Variants in RFTN2 observed in about 807,000 individuals in gnomAD.
RFTN2 encodes the protein raftlin-2.
In RFTN2, 34 loss-of-function variants were observed where a neutral mutation model predicts 52.7. The observed-to-expected ratio is 0.64, with a 90% confidence interval of 0.49 to 0.86. The LOEUF is 0.86. Ranked by LOEUF, RFTN2 falls within the 40% of genes least tolerant of loss-of-function variation. RFTN2 has a pLI of 0.00. For synonymous variants in RFTN2, 203 were observed against 217.7 expected (o/e 0.93, Z 0.59); for missense variants, 536 against 600.1 (o/e 0.89, Z 1.12).
At chr2:197,581,232 C>G (rs1313448305) in intron 8 of RFTN2, among the ~76,000 whole-genome samples, 1 of 152,220 alleles carries the variant, frequency 6.6e-6, no homozygotes, top group African/African-American at 2.4e-5. Context: ...CCGGACAAGT[C>G]TTATATGTTA....
At position 197,596,035 on chromosome 2, in the gene RFTN2, G is replaced by T; in HGVS notation, c.1189C>A (p.Leu397Ile). 5.0e-6 allele frequency: 8 copies of T among 1,612,352 alleles called. No individual in the cohort carries two copies. Among genetic ancestry groups the T allele is most frequent in the Non-Finnish European group, 5.9e-6 (7 of 1,178,734 alleles). The change falls in exon 8 of 9, where the codon CTT becomes ATT. Residue 397 changes from leucine (L) to isoleucine (I), a missense_variant. Transcript: ENST00000295049. ...GAATTCCACATAACTGGCCTCTGAA[G>T]GAATACGATCTGCTTTGTAGCCAAA... ...GNLATKQIVFLQRPVMWNSAA... is the reference protein window; with the variant it reads ...GNLATKQIVFIQRPVMWNSAA...
At chr2:197,590,333 C>T (rs935429326) in intron 8 of RFTN2, among the ~76,000 whole-genome samples, 2 of 152,008 alleles carry the variant, frequency 1.3e-5, no homozygotes, top group Admixed American at 6.6e-5. Context: ...AAATGAGGGT[C>T]TAAATATTTT....
At chr2:197,651,062 G>T (rs776246905) in intron 1 of RFTN2, among the ~76,000 whole-genome samples, 1 of 152,002 alleles carries the variant, frequency 6.6e-6, no homozygotes, top group African/African-American at 2.4e-5. Flanking sequence ...ACATCTTATT[G>T]GCCATTTGGA....
rs540167536 is a variant in RFTN2, at chr2:197,658,200, A to G, written c.140-11534T>C. Among the ~76,000 whole-genome samples, 7 of 151,706 alleles carry G rather than the reference A, an allele frequency of 4.6e-5. No homozygotes were observed. In the East Asian group the frequency reaches 1.4e-3, roughly 29 times the overall value. ...AAATATTTTTTTTTTTTTTAGAAAAAAAAAATGAGTATCCTTTAAGGACTT... is the reference window on the plus strand; with the variant it reads ...AAATATTTTTTTTTTTTTTAGAAAAGAAAAATGAGTATCCTTTAAGGACTT... On this transcript the variant is annotated intron_variant, in intron 1 of 8. Coordinates refer to ENST00000295049, the MANE Select transcript of RFTN2 (RefSeq NM_144629.3).
chr2:197,660,216 G>A (rs910098267), intron 1 of RFTN2, among the ~76,000 whole-genome samples: 5 of 152,160 alleles, frequency 3.3e-5, no homozygotes, highest in Admixed American at 6.6e-5. Context: ...ATAAAATTCC[G>A]ACATGAGCTG....
In RFTN2 at chr2:197,633,802, C is replaced by T; in HGVS notation, c.634G>A (p.Glu212Lys). 1 of 1,613,874 alleles carries T rather than the reference C, an allele frequency of 6.2e-7. No homozygotes were observed. Among genetic ancestry groups the T allele is most frequent in the Non-Finnish European group, 8.5e-7 (1 of 1,179,842 alleles). The change falls in exon 4 of 9, where the codon GAG becomes AAG. Residue 212 changes from glutamate (E) to lysine (K), a missense_variant. Transcript: ENST00000295049. ...LSGQSSESGI[E>K]EELHHESGQY... ...CCACTTTCATGATGAAGTTCTTCCT[C>T]AATTCCGCTTTCAGATGACTGCCCA...
intron 8 of RFTN2, among the ~76,000 whole-genome samples, chr2:197,585,372 G>GTT (rs1178426816): frequency 1.3e-5 from 2 of 152,036 alleles, no homozygotes; most frequent in African/African-American, 4.8e-5. Flanking sequence ...TACACTGGTG[G>GTT]TTTACCCTTT....
In RFTN2 at chr2:197,617,813, C is replaced by A; in HGVS notation, c.1037G>T (p.Trp346Leu). Reference sequence around the variant, plus strand: ...ACTGCAGCTCACCTCAATAACAGTCCATTGTTCTACTACGATGGCATCATT... The same window carrying A: ...ACTGCAGCTCACCTCAATAACAGTCAATTGTTCTACTACGATGGCATCATT... ...KGNDAIVVEQ[W>L]TVIEGCEIKT... Residue 346 changes from tryptophan (W) to leucine (L), a missense_variant, in exon 6 of 9, where the codon TGG becomes TTG. Trp to Leu is a moderately conservative substitution (Grantham distance 61). Coordinates refer to ENST00000295049, the MANE Select transcript of RFTN2 (RefSeq NM_144629.3). 1 of 1,592,752 alleles carries A rather than the reference C, an allele frequency of 6.3e-7. No individual in the cohort carries two copies. Among genetic ancestry groups the A allele is most frequent in the Admixed American group, 1.7e-5 (1 of 58,810 alleles).
intron 2 of RFTN2, among the ~76,000 whole-genome samples, 199 bp from the exon 3 acceptor site, chr2:197,644,471 A>G (rs759661332): frequency 7.9e-5 from 12 of 152,238 alleles, no homozygotes; most frequent in Non-Finnish European, 1.0e-4. Context: ...TCCTTAATTT[A>G]AACTGCTATT....
intron 5 of RFTN2, among the ~76,000 whole-genome samples, chr2:197,627,453 T>C (rs1048845620): frequency 2.0e-5 from 3 of 152,224 alleles, no homozygotes; most frequent in African/African-American, 4.8e-5. Context: ...GGAAGAGTAT[T>C]ATAAACCCAG....
intron 7 of RFTN2, among the ~76,000 whole-genome samples, chr2:197,606,417 G>C (rs1485881305): frequency 6.6e-6 from 1 of 152,188 alleles, no homozygotes; most frequent in Non-Finnish European, 1.5e-5. Flanking sequence ...TTTCAAAAGA[G>C]TGGGTTTATC....
chr2:197,579,660 C>G (rs1175334750), intron 8 of RFTN2, among the ~76,000 whole-genome samples: 1 of 151,984 alleles, frequency 6.6e-6, no homozygotes, highest in Admixed American at 6.6e-5. Flanking sequence ...CCCAAATCCT[C>G]CTTCTTTCCC....
chr2:197,650,409 G>A (rs903449876), intron 1 of RFTN2, among the ~76,000 whole-genome samples: 1 of 152,154 alleles, frequency 6.6e-6, no homozygotes, highest in Admixed American at 6.6e-5. Context: ...ATAGATTGTG[G>A]TTGATAACTT....
At position 197,627,301 on chromosome 2, in the gene RFTN2, T is replaced by C. The variant is rs186789494; in HGVS notation, c.928+3710A>G. ...GGGACCTCCCGACCACCTCTTTAAG[T>C]GAGTTCTTCCCTGGTACTCTCGCCA... On this transcript the variant is annotated intron_variant, in intron 5 of 8. Coordinates refer to ENST00000295049, the MANE Select transcript of RFTN2 (RefSeq NM_144629.3). Among the ~76,000 whole-genome samples the C allele has an allele frequency of 7.2e-4, 110 of 152,344 alleles. 1 individual carries two copies. Among genetic ancestry groups the C allele is most frequent in the Non-Finnish European group, 1.3e-4 (9 of 68,028 alleles).
intron 3 of RFTN2, among the ~76,000 whole-genome samples, chr2:197,636,085 C>T (rs1574728992): frequency 6.6e-6 from 1 of 151,314 alleles, no homozygotes; most frequent in South Asian, 2.1e-4. Context: ...CTGTTCTGTT[C>T]CATTGATCTA....
chr2:197,623,883 C>T lies in RFTN2; in HGVS notation c.929-5962G>A, dbSNP rs1196723394. 3.3e-5 allele frequency among the ~76,000 whole-genome samples: 5 copies of T among 152,122 alleles called. No homozygotes were observed. In the East Asian group the frequency reaches 9.6e-4, roughly 29 times the overall value. ...TTCACCATGTTGGTCAGGCTGGTCTCGAACTACTGACCTCAAGTGATCCAC... is the reference window on the plus strand; with the variant it reads ...TTCACCATGTTGGTCAGGCTGGTCTTGAACTACTGACCTCAAGTGATCCAC... On this transcript the variant is annotated intron_variant, in intron 5 of 8. Transcript: ENST00000295049.
chr2:197,586,818 G>A (rs539262240), intron 8 of RFTN2, among the ~76,000 whole-genome samples: 277 of 152,260 alleles, frequency 1.8e-3, no homozygotes, highest in Middle Eastern at 3.4e-3. Context: ...CAAAACCGCC[G>A]AGGCCTTGAC....
intron 7 of RFTN2, among the ~76,000 whole-genome samples, chr2:197,599,053 G>T (rs1327900560): frequency 2.6e-5 from 4 of 151,648 alleles, no homozygotes; most frequent in Non-Finnish European, 5.9e-5. Context: ...CCGGGTTCAC[G>T]CCATTTTCCT....
intron 8 of RFTN2, among the ~76,000 whole-genome samples, chr2:197,589,632 T>A (rs185343171): frequency 6.6e-6 from 1 of 152,218 alleles, no homozygotes; most frequent in Non-Finnish European, 1.5e-5. Context: ...CATCTTTTCA[T>A]GTATTTACTT....
Sources: gnomAD v4.1 joint callset for allele counts (sites outside exome capture counted in the v4.1 genomes callset) on GRCh38, gnomAD v4.1.1 for gene constraint, MANE v1.5 for transcripts, NCBI Gene and HGNC (gene_info 2026-07-23, HGNC 2026-07-21) for gene names.